ZNF438: variants seen among roughly 807,000 people sequenced by gnomAD.
The protein encoded by ZNF438 is zinc finger protein 438.
In ZNF438, 25 loss-of-function variants were observed where a neutral mutation model predicts 38.0. That is an observed-to-expected ratio of 0.66 (90% CI 0.48 to 0.92). The LOEUF is 0.92. Ranked by LOEUF, ZNF438 falls within the 40% of genes least tolerant of loss-of-function variation. The probability of loss-of-function intolerance (pLI) is 0.00; values close to 1 mark genes in which losing one functional copy is unlikely to be tolerated. For missense variants in ZNF438, 1,007 were observed against 999.6 expected (o/e 1.01, Z -0.10); for synonymous variants, 372 against 364.1 (o/e 1.02, Z -0.25).
chr10:30,908,215 A>G (rs2042763795), intron 3 of ZNF438, among the ~76,000 whole-genome samples: 1 of 152,148 alleles, frequency 6.6e-6, no homozygotes, highest in Non-Finnish European at 1.5e-5. Flanking sequence ...TCCTAATTGT[A>G]TTCTATAGTG....
At chr10:30,902,191 A>C (rs2994619) in intron 3 of ZNF438, among the ~76,000 whole-genome samples, 118,715 of 152,068 alleles carry the variant, frequency 0.78, 47,112 homozygotes, top group African/African-American at 0.89. Flanking sequence ...GCCCCACCTA[A>C]ATCCTGCTGA....
chr10:30,871,270 T>A (rs2037365037), intron 4 of ZNF438, among the ~76,000 whole-genome samples: 1 of 152,218 alleles, frequency 6.6e-6, no homozygotes, highest in Non-Finnish European at 1.5e-5. Context: ...TAAATACTTG[T>A]TAAATGAACA....
At chr10:31,011,465 G>T (rs2055694493) in intron 1 of ZNF438, among the ~76,000 whole-genome samples, 1 of 152,196 alleles carries the variant, frequency 6.6e-6, no homozygotes, top group African/African-American at 2.4e-5. Flanking sequence ...TGGCCAGGAA[G>T]ACAACAATGT....
intron 3 of ZNF438, among the ~76,000 whole-genome samples, chr10:30,907,250 C>T (rs1340081333): frequency 1.3e-5 from 2 of 152,196 alleles, no homozygotes. Flanking sequence ...GCTGGGATTA[C>T]AACTGTGAGC....
intron 3 of ZNF438, among the ~76,000 whole-genome samples, chr10:30,903,885 C>T (rs1009410663): frequency 2.0e-5 from 3 of 151,990 alleles, no homozygotes; most frequent in African/African-American, 7.3e-5. Flanking sequence ...GCTGTTCTAG[C>T]CCCCAAAGAG....
intron 1 of ZNF438, among the ~76,000 whole-genome samples, chr10:31,023,269 A>T (rs2056729053): frequency 6.6e-6 from 1 of 152,224 alleles, no homozygotes; most frequent in African/African-American, 2.4e-5. Context: ...CTAGATCTAT[A>T]ATTCGGCATC....
chr10:30,862,380 G>A (rs1335801779), intron 4 of ZNF438, among the ~76,000 whole-genome samples: 7 of 152,010 alleles, frequency 4.6e-5, no homozygotes, highest in South Asian at 2.1e-4. Context: ...TAGCTCACCC[G>A]CAGCCTCAAA....
At chr10:30,920,193 A>G (rs1261952955) in intron 2 of ZNF438, 1 of 152,256 alleles carries the variant, frequency 6.6e-6, no homozygotes, top group Non-Finnish European at 1.5e-5. Flanking sequence ...AATAGGCTCT[A>G]AATTCTTCCA....
chr10:30,949,162 C>T (rs369458089), intron 1 of ZNF438, among the ~76,000 whole-genome samples: 181 of 151,698 alleles, frequency 1.2e-3, no homozygotes, highest in African/African-American at 2.7e-3. Flanking sequence ...GCTTCATAAG[C>T]GAAGGAGAAA....
At chr10:30,915,521 C>A (rs2043525295) in intron 2 of ZNF438, among the ~76,000 whole-genome samples, 1 of 151,896 alleles carries the variant, frequency 6.6e-6, no homozygotes, top group African/African-American at 2.4e-5. Context: ...GGGGTAAGCC[C>A]TTAACATTTA....
intron 1 of ZNF438, among the ~76,000 whole-genome samples, chr10:31,025,144 CCT>C (rs2056856692): frequency 6.6e-6 from 1 of 152,064 alleles, no homozygotes. Flanking sequence ...AAAACTACCA[CCT>C]CCATTTCTAA....
chr10:30,905,736 A>G (rs76204137), intron 3 of ZNF438, among the ~76,000 whole-genome samples: 4,577 of 152,186 alleles, frequency 0.03, 218 homozygotes, highest in African/African-American at 0.1. Flanking sequence ...TATTGTTTTT[A>G]TCTCTTACAT....
intron 1 of ZNF438, among the ~76,000 whole-genome samples, chr10:30,996,857 A>T (rs933167966): frequency 1.3e-5 from 2 of 152,176 alleles, no homozygotes; most frequent in Non-Finnish European, 2.9e-5. Flanking sequence ...TCTCTGAAAC[A>T]ATGGCATGCA....
chr10:30,893,752 T>A (rs1179644919), intron 3 of ZNF438, among the ~76,000 whole-genome samples: 2 of 152,170 alleles, frequency 1.3e-5, no homozygotes, highest in African/African-American at 4.8e-5. Context: ...CACTGCTCCC[T>A]AAATCCTTTA....
chr10:31,005,801 C>T (rs796907858), intron 1 of ZNF438, among the ~76,000 whole-genome samples: 4 of 151,900 alleles, frequency 2.6e-5, no homozygotes, highest in African/African-American at 9.7e-5. Context: ...TGCTCATCAT[C>T]CTATTTACTT....
intron 1 of ZNF438, among the ~76,000 whole-genome samples, chr10:30,973,887 C>T (rs775607572): frequency 6.6e-6 from 1 of 152,226 alleles, no homozygotes; most frequent in South Asian, 2.1e-4. Context: ...ACTCTCTCTG[C>T]CCACCCTGCG....
intron 1 of ZNF438, among the ~76,000 whole-genome samples, chr10:30,953,422 A>G (rs540847247): frequency 6.7e-6 from 1 of 148,646 alleles, no homozygotes; most frequent in African/African-American, 2.5e-5. Context: ...TTAAAAAATT[A>G]AAAAAAAAAG....
At chr10:30,949,299 C>T (rs956288142) in intron 1 of ZNF438, among the ~76,000 whole-genome samples, 3 of 152,068 alleles carry the variant, frequency 2.0e-5, no homozygotes, top group Admixed American at 2.0e-4. Context: ...CAAAATCATG[C>T]CAAAATGTAA....
intron 2 of ZNF438, among the ~76,000 whole-genome samples, chr10:30,912,833 T>C (rs2043218567): frequency 6.6e-6 from 1 of 152,188 alleles, no homozygotes; most frequent in Non-Finnish European, 1.5e-5. Flanking sequence ...CAAAGCCATC[T>C]GAAATGTTCT....
Sources: gnomAD v4.1 joint callset for allele counts (sites outside exome capture counted in the v4.1 genomes callset) on GRCh38, gnomAD v4.1.1 for gene constraint, MANE v1.5 for transcripts, NCBI Gene and HGNC (gene_info 2026-07-23, HGNC 2026-07-21) for gene names.